LHFPL2: variants seen among roughly 807,000 people sequenced by gnomAD.
LHFPL2 encodes the protein LHFPL tetraspan subfamily member 2 protein.
LHFPL2 carries 7 observed loss-of-function variants against 17.5 expected under a neutral mutation model. The ratio of observed to expected loss-of-function variants is 0.40; its 90% CI spans 0.23 to 0.75. LHFPL2 has a LOEUF of 0.75. Among genes scored for constraint, LHFPL2 ranks in the 30% least tolerant of loss-of-function variants. The pLI, the probability that LHFPL2 is intolerant of heterozygous loss-of-function variation, is 0.37. For synonymous variants in LHFPL2, 134 were observed against 116.2 expected (o/e 1.15, Z -0.99); for missense variants, 241 against 294.8 (o/e 0.82, Z 1.34).
intron 4 of LHFPL2, among the ~76,000 whole-genome samples, chr5:78,508,201 C>T (rs2112318359): frequency 6.6e-6 from 1 of 152,218 alleles, no homozygotes; most frequent in East Asian, 1.9e-4. Context: ...TTCCAATCTC[C>T]CTATTTTTCA....
At chr5:78,501,387 C>CA (rs938328402) in intron 4 of LHFPL2, among the ~76,000 whole-genome samples, 2 of 152,176 alleles carry the variant, frequency 1.3e-5, no homozygotes, top group African/African-American at 4.8e-5. Context: ...AGTGGACCAG[C>CA]ACTCGTTCAA....
At chr5:78,548,261 TAA>T (rs1756344215) in intron 3 of LHFPL2, among the ~76,000 whole-genome samples, 1 of 152,208 alleles carries the variant, frequency 6.6e-6, no homozygotes, top group African/African-American at 2.4e-5. Context: ...CACTTCCACG[TAA>T]AGAGCTCCAC....
chr5:78,570,063 C>T (rs1439015483), intron 2 of LHFPL2, among the ~76,000 whole-genome samples: 1 of 152,206 alleles, frequency 6.6e-6, no homozygotes, highest in African/African-American at 2.4e-5. Flanking sequence ...ATTCTTACCT[C>T]TTCCCCAATA....
intron 2 of LHFPL2, among the ~76,000 whole-genome samples, chr5:78,575,270 C>A (rs1757100436): frequency 6.6e-6 from 1 of 152,204 alleles, no homozygotes; most frequent in South Asian, 2.1e-4. Context: ...CATGGAGGGC[C>A]AGGCACAGTG....
intron 3 of LHFPL2, among the ~76,000 whole-genome samples, chr5:78,529,823 G>A (rs990413523): frequency 1.1e-4 from 16 of 152,200 alleles, no homozygotes; most frequent in Non-Finnish European, 2.2e-4. Flanking sequence ...AAAAGCATCA[G>A]GGTGTGAATC....
chr5:78,589,464 T>C (rs928841172), intron 2 of LHFPL2, among the ~76,000 whole-genome samples: 5 of 112,264 alleles, frequency 4.5e-5, no homozygotes, highest in Admixed American at 8.4e-5. Flanking sequence ...GTTAACTCCA[T>C]CTCAAAAAAA....
chr5:78,555,435 TCA>T (rs1756546507), intron 3 of LHFPL2, among the ~76,000 whole-genome samples: 1 of 152,212 alleles, frequency 6.6e-6, no homozygotes, highest in African/African-American at 2.4e-5. Context: ...AAACAGACAT[TCA>T]CTCATTCTGG....
chr5:78,578,975 A>G (rs1185582001), intron 2 of LHFPL2, among the ~76,000 whole-genome samples: 1 of 152,154 alleles, frequency 6.6e-6, no homozygotes, highest in African/African-American at 2.4e-5. Flanking sequence ...TGGCAGAGAG[A>G]GCATCTATTC....
At chr5:78,525,026 A>C (rs1273735650) in intron 3 of LHFPL2, among the ~76,000 whole-genome samples, 3 of 152,224 alleles carry the variant, frequency 2.0e-5, no homozygotes, top group African/African-American at 7.2e-5. Flanking sequence ...GGGCTGAATA[A>C]TTCTTTGTTG....
chr5:78,598,642 T>A (rs891054554), intron 2 of LHFPL2, among the ~76,000 whole-genome samples: 1 of 152,168 alleles, frequency 6.6e-6, no homozygotes, highest in Non-Finnish European at 1.5e-5. Context: ...AAGTTTGGGA[T>A]CTTCTGGGTC....
At chr5:78,552,413 G>A (rs774147360) in intron 3 of LHFPL2, among the ~76,000 whole-genome samples, 4 of 152,200 alleles carry the variant, frequency 2.6e-5, no homozygotes, top group East Asian at 1.9e-4. Context: ...GATTGCAGGC[G>A]TGAGCCACCG....
intron 3 of LHFPL2, among the ~76,000 whole-genome samples, chr5:78,536,222 G>A (rs1399831625): frequency 2.0e-5 from 3 of 152,190 alleles, no homozygotes; most frequent in Non-Finnish European, 4.4e-5. Flanking sequence ...GGAGGATGCC[G>A]TACCAAGTGG....
chr5:78,527,337 G>A (rs985200035), intron 3 of LHFPL2, among the ~76,000 whole-genome samples: 5 of 150,942 alleles, frequency 3.3e-5, no homozygotes, highest in African/African-American at 1.2e-4. Context: ...ATCAAGCTTC[G>A]GGAAAGCTCT....
chr5:78,552,954 G>T (rs1031547748), intron 3 of LHFPL2, among the ~76,000 whole-genome samples: 1 of 152,158 alleles, frequency 6.6e-6, no homozygotes, highest in East Asian at 1.9e-4. Flanking sequence ...CAGAAGTTCT[G>T]CAGGCTCCAT....
In LHFPL2 at chr5:78,591,336, C is replaced by T. The variant is rs147943153; in HGVS notation, c.-244-26465G>A. ...CCCTGCAACATTTTTCCCTTTGCAG[C>T]TTTTGAAACCGTTTAGTTTCTTTAT... On this transcript the variant is annotated intron_variant, in intron 2 of 4. Transcript: ENST00000380345. Among the ~76,000 whole-genome samples, 326 of 152,294 alleles carry T rather than the reference C, an allele frequency of 2.1e-3. 2 individuals carry two copies. Among genetic ancestry groups the T allele is most frequent in the African/African-American group, 7.4e-3 (306 of 41,564 alleles).
chr5:78,633,274 C>G (rs1311865286), intron 1 of LHFPL2, among the ~76,000 whole-genome samples: 1 of 152,196 alleles, frequency 6.6e-6, no homozygotes, highest in Non-Finnish European at 1.5e-5. Context: ...TCCAGTGAAC[C>G]ACTGCTTCTG....
intron 1 of LHFPL2, among the ~76,000 whole-genome samples, chr5:78,634,047 G>GC (rs1745342380): frequency 1.3e-5 from 2 of 152,260 alleles, no homozygotes; most frequent in African/African-American, 2.4e-5. Context: ...ATTCAGAAGA[G>GC]CCCAGTTTAT....
At chr5:78,520,407 G>A (rs1042667320) in intron 3 of LHFPL2, among the ~76,000 whole-genome samples, 28 of 152,184 alleles carry the variant, frequency 1.8e-4, no homozygotes, top group African/African-American at 6.0e-4. Flanking sequence ...AAGTGAAGGC[G>A]CTGGACTTGC....
At chr5:78,616,136 GT>G (rs10574106) in intron 2 of LHFPL2, among the ~76,000 whole-genome samples, 2 of 29,728 alleles carry the variant, frequency 6.7e-5, no homozygotes, top group East Asian at 7.4e-4. Flanking sequence ...TGTTTTGGGG[GT>G]TTTTTTTTGA....
Sources: allele counts gnomAD v4.1 joint callset (sites outside exome capture counted in the v4.1 genomes callset), GRCh38; gene constraint gnomAD v4.1.1; transcripts MANE v1.5; gene names NCBI Gene and HGNC (gene_info 2026-07-23, HGNC 2026-07-21).